Variants in CA6 observed in about 807,000 individuals in gnomAD.
CA6 encodes the protein carbonic anhydrase 6.
Under a neutral mutation model 35.9 loss-of-function variants are expected in CA6, and 28 were observed. The ratio of observed to expected loss-of-function variants is 0.78; its 90% confidence interval spans 0.58 to 1.07. The LOEUF is 1.07. Among genes scored for constraint, CA6 ranks in the 50% least tolerant of loss-of-function variants. CA6 has a pLI of 0.00. For synonymous variants in CA6, 148 were observed against 152.6 expected (o/e 0.97, Z 0.22); for missense variants, 377 against 382.0 (o/e 0.99, Z 0.11).
At chr1:8,960,041 G>C (rs1316624824) in intron 4 of CA6, among the ~76,000 whole-genome samples, 1 of 150,834 alleles carries the variant, frequency 6.6e-6, no homozygotes, top group Non-Finnish European at 1.5e-5. Flanking sequence ...AGACCAGCCT[G>C]ACCAACATGG....
At position 8,959,471 on chromosome 1, in the gene CA6, C is replaced by T. The variant is rs189363059; in HGVS notation, c.501+469C>T. 1.2e-4 allele frequency among the ~76,000 whole-genome samples: 18 copies of T among 144,380 alleles called. 1 individual carries two copies. The highest frequency in any genetic ancestry group is 7.8e-4 in the East Asian group (4 of 5,106). The allele number at this position is 144,380 out of a possible 152,430, so 94.7% of individuals were successfully genotyped here. On this transcript the variant is annotated intron_variant, in intron 4 of 7. Transcript: ENST00000377443. Reference sequence around the variant, plus strand: ...CTGGGATTACAGGCACCTGCCACCACGTCTGGCTAATTTTTGTATTTTTAG... The same window carrying T: ...CTGGGATTACAGGCACCTGCCACCATGTCTGGCTAATTTTTGTATTTTTAG...
chr1:8,948,198 G>A (rs1214834419), intron 1 of CA6, among the ~76,000 whole-genome samples: 1 of 151,916 alleles, frequency 6.6e-6, no homozygotes, highest in Non-Finnish European at 1.5e-5. Flanking sequence ...AGCTACCCCC[G>A]AACAGGGAAC....
chr1:8,965,300 G>T (rs1027233197), intron 5 of CA6, among the ~76,000 whole-genome samples: 1 of 152,092 alleles, frequency 6.6e-6, no homozygotes, highest in African/African-American at 2.4e-5. Context: ...GTACAGTTCA[G>T]TAGCATTAAG....
At position 8,958,973 on chromosome 1, in the gene CA6, G is replaced by A; in HGVS notation, c.472G>A (p.Gly158Ser). Reference protein sequence around the residue: ...SYDIAQDAPDGLAVLAAFVEV... With the variant: ...SYDIAQDAPDSLAVLAAFVEV... The stretch of plus-strand genomic sequence containing the variant: ...TGATATAGCCCAAGATGCGCCGGAT[G>A]GTTTGGCTGTACTGGCAGCCTTCGT... The change falls in exon 4 of 8, where the codon GGT (glycine) becomes AGT (serine). Residue 158 changes from glycine to serine, a missense_variant. By Grantham distance (56) the Gly-to-Ser change is moderately conservative. Transcript: ENST00000377443. The A allele has an allele frequency of 6.2e-7, 1 of 1,612,698 alleles. No individual in the cohort carries two copies. Among genetic ancestry groups the A allele is most frequent in the South Asian group, 1.1e-5 (1 of 90,960 alleles).
At chr1:8,959,959 C>T (rs757776676) in intron 4 of CA6, among the ~76,000 whole-genome samples, 28 of 97,608 alleles carry the variant, frequency 2.9e-4, no homozygotes, top group East Asian at 1.1e-3. Context: ...AAGCTGGGCG[C>T]GATGGCTCAT....
chr1:8,955,975 C>A (rs1275819964), intron 2 of CA6, among the ~76,000 whole-genome samples: 3 of 152,230 alleles, frequency 2.0e-5, no homozygotes, highest in Non-Finnish European at 4.4e-5. Context: ...ATAATCCCAG[C>A]ACTCTGGGAG....
intron 4 of CA6, among the ~76,000 whole-genome samples, chr1:8,959,318 T>A (rs972326739): frequency 6.7e-6 from 1 of 150,120 alleles, no homozygotes; most frequent in Admixed American, 6.7e-5. Context: ...GCATTTCCTT[T>A]TTTTTTTTTT....
chr1:8,949,870 A>G (rs946475950), intron 2 of CA6, among the ~76,000 whole-genome samples: 6 of 152,172 alleles, frequency 3.9e-5, no homozygotes, highest in Non-Finnish European at 7.3e-5. Flanking sequence ...CAGAGTTTTA[A>G]GAAGAAAGCT....
At chr1:8,973,891 A>G (rs985045433) in intron 7 of CA6, among the ~76,000 whole-genome samples, 4 of 150,556 alleles carry the variant, frequency 2.7e-5, no homozygotes, top group South Asian at 2.1e-4. Flanking sequence ...CAATGGCGCA[A>G]TCTTGGCTCA....
intron 7 of CA6, among the ~76,000 whole-genome samples, chr1:8,973,314 C>T (rs190074526): frequency 2.0e-5 from 3 of 152,258 alleles, no homozygotes; most frequent in South Asian, 2.1e-4. Context: ...TCACTGTGCC[C>T]GGCCTGTCTC....
intron 4 of CA6, 115 bp from the exon 5 acceptor site, chr1:8,962,472 T>C (rs1639864852): frequency 7.1e-6 from 6 of 841,690 alleles, no homozygotes; most frequent in Non-Finnish European, 1.2e-5. Context: ...ACAGGCTGCC[T>C]CTCCTTACTC....
intron 4 of CA6, among the ~76,000 whole-genome samples, chr1:8,959,234 G>A (rs1198402592): frequency 6.6e-6 from 1 of 152,146 alleles, no homozygotes; most frequent in Non-Finnish European, 1.5e-5. Context: ...GAATCCCAGA[G>A]GGGTTGCGTA....
rs1334458824 is a variant in CA6, at chr1:8,963,278, T to C, written c.571+622T>C. 6.6e-6 allele frequency among the ~76,000 whole-genome samples: 1 copy of C among 152,086 alleles called. No homozygotes were observed. The highest frequency in any genetic ancestry group is 1.5e-5 in the Non-Finnish European group (1 of 68,012). On this transcript the variant is annotated intron_variant, in intron 5 of 7. Coordinates refer to ENST00000377443, the MANE Select transcript of CA6 (RefSeq NM_001215.4). The surrounding 1 kb of genome is among the most constrained non-coding windows in gnomAD (Gnocchi z 4.1). ...TCACCTGACCGGAGTCCTCCAAACCTGGGGCTTCCACATTCTTGCTCCTAG... is the reference window on the plus strand; with the variant it reads ...TCACCTGACCGGAGTCCTCCAAACCCGGGGCTTCCACATTCTTGCTCCTAG...
chr1:8,958,905 T>TA lies in CA6; in HGVS notation c.409-4dup, dbSNP rs1346999659. 17 of 1,562,148 alleles carry TA rather than the reference T, an allele frequency of 1.1e-5. No homozygotes were observed. In the African/African-American group the frequency reaches 2.0e-4, roughly 19 times the overall value. On this transcript the variant is annotated splice_region_variant and splice_polypyrimidine_tract_variant and intron_variant, in intron 3 of 7. Coordinates refer to ENST00000377443, the MANE Select transcript of CA6 (RefSeq NM_001215.4). ...CCCTTGACCCACTCTACCTTGCTCT[T>TA]ACAGATTCACATTGTTCACTACAAT...
chr1:8,971,604 C>T (rs1181526235), intron 7 of CA6, among the ~76,000 whole-genome samples: 2 of 152,120 alleles, frequency 1.3e-5, no homozygotes, highest in Non-Finnish European at 2.9e-5. Flanking sequence ...AGCCACCGTG[C>T]CTGGCCAAGT....
chr1:8,957,470 A>G (rs893920196), intron 3 of CA6, among the ~76,000 whole-genome samples, 185 bp downstream of exon 3: 1 of 152,158 alleles, frequency 6.6e-6, no homozygotes, highest in African/African-American at 2.4e-5. Flanking sequence ...TCTCCCGAGT[A>G]AATGGGATTA....
At chr1:8,960,251 G>A (rs867819821) in intron 4 of CA6, among the ~76,000 whole-genome samples, 4 of 151,776 alleles carry the variant, frequency 2.6e-5, no homozygotes, top group Non-Finnish European at 5.9e-5. Context: ...AAAAAGTCGG[G>A]CATGCAAAGA....
chr1:8,967,122 C>T (rs1557631053), intron 5 of CA6, among the ~76,000 whole-genome samples: 1 of 152,190 alleles, frequency 6.6e-6, no homozygotes, highest in Non-Finnish European at 1.5e-5. Context: ...TGCGCCTGGC[C>T]TGATTCTGCA....
chr1:8,955,601 A>G (rs1371469182), intron 2 of CA6, among the ~76,000 whole-genome samples: 1 of 108,028 alleles, frequency 9.3e-6, no homozygotes, highest in East Asian at 3.1e-4. Context: ...GTCTGCTTTC[A>G]GCATCACTGA....
Sources: gnomAD v4.1 joint callset for allele counts (sites outside exome capture counted in the v4.1 genomes callset) on GRCh38, gnomAD v4.1.1 for gene constraint, Gnocchi (gnomAD v3.1) non-coding constraint, MANE v1.5 for transcripts, NCBI Gene and HGNC (gene_info 2026-07-23, HGNC 2026-07-21) for gene names.